The following XDH variants were observed in gnomAD, a reference collection of about 807,000 sequenced individuals.
The protein encoded by XDH is xanthine dehydrogenase/oxidase.
XDH carries 138 observed loss-of-function variants against 156.1 expected under a neutral mutation model. That is an observed-to-expected ratio of 0.88 (90% CI 0.77 to 1.02). XDH has a LOEUF of 1.02. XDH is among the 50% of genes least tolerant of loss of function. XDH has a pLI of 0.00. For missense variants in XDH, 1,849 were observed against 1,684.9 expected (o/e 1.10, Z -1.71); for synonymous variants, 669 against 625.7 (o/e 1.07, Z -1.03).
At chr2:31,377,580 C>T (rs961996745) in intron 13 of XDH, among the ~76,000 whole-genome samples, 1 of 152,126 alleles carries the variant, frequency 6.6e-6, no homozygotes, top group Admixed American at 6.5e-5. Context: ...ACCCCTCATC[C>T]CCCTTACCTT....
At chr2:31,359,761 G>C (rs572954086) in intron 24 of XDH, among the ~76,000 whole-genome samples, 15 of 152,268 alleles carry the variant, frequency 9.9e-5, no homozygotes, top group African/African-American at 3.6e-4. Flanking sequence ...TGGGAATGTG[G>C]CTCAAATTAA....
At chr2:31,381,803 C>T in intron 11 of XDH, 77 bp from the exon 12 acceptor site, 2 of 1,363,116 alleles carry the variant, frequency 1.5e-6, no homozygotes, top group Non-Finnish European at 2.1e-6. Flanking sequence ...CTGAACATAC[C>T]AGCCAGGTGA....
At chr2:31,337,937 A>G (rs1391034380) in intron 34 of XDH, 120 bp from the exon 35 acceptor site, 2 of 1,078,936 alleles carry the variant, frequency 1.9e-6, no homozygotes, top group Non-Finnish European at 2.7e-6. Context: ...GGCACCAGGA[A>G]AGCACTGATG....
At chr2:31,411,851 T>A (rs911077518) in intron 1 of XDH, among the ~76,000 whole-genome samples, 1 of 152,264 alleles carries the variant, frequency 6.6e-6, no homozygotes, top group Middle Eastern at 3.2e-3. Context: ...GGCAAATGCC[T>A]GATCTTGGAG....
chr2:31,366,719 G>A (rs1351644079), intron 21 of XDH, 151 bp downstream of exon 21: 38 of 1,249,762 alleles, frequency 3.0e-5, no homozygotes, highest in Non-Finnish European at 3.8e-5. Flanking sequence ...CAGCTTGTTG[G>A]TGAAAGAGTC....
At chr2:31,374,584 C>T (rs556478383) in intron 15 of XDH, among the ~76,000 whole-genome samples, 13 of 152,168 alleles carry the variant, frequency 8.5e-5, no homozygotes, top group Non-Finnish European at 1.8e-4. Flanking sequence ...GTGGTTTTCT[C>T]TGGGATTTGA....
intron 20 of XDH, 49 bp from the exon 21 acceptor site, chr2:31,367,043 G>C: frequency 6.2e-7 from 1 of 1,613,702 alleles, no homozygotes; most frequent in East Asian, 2.2e-5. Flanking sequence ...CTGCAGAAGG[G>C]GCCAGCTTGC....
chr2:31,372,213 G>T lies in XDH; in HGVS notation c.1856+15C>A, dbSNP rs768745333. 6.2e-7 allele frequency: 1 copy of T among 1,614,160 alleles called. No individual in the cohort carries two copies. The highest frequency in any genetic ancestry group is 8.5e-7 in the Non-Finnish European group (1 of 1,180,000). On this transcript the variant is annotated intron_variant, in intron 17 of 35. Transcript: ENST00000379416. ...TCACAGCATTCCACCAGCTCCTCCT[G>T]GCGGTGTCACTCACTTGATCTTGGC...
At chr2:31,367,019 C>T (rs770735690) in intron 20 of XDH, 25 bp from the exon 21 acceptor site, 23 of 1,613,948 alleles carry the variant, frequency 1.4e-5, no homozygotes, top group Non-Finnish European at 1.9e-5. Context: ...AGATCCCTCA[C>T]AGTGAGCCCA....
At chr2:31,352,033 C>T (rs1235839388) in intron 24 of XDH, among the ~76,000 whole-genome samples, 1 of 152,116 alleles carries the variant, frequency 6.6e-6, no homozygotes, top group Non-Finnish European at 1.5e-5. Flanking sequence ...AAAGTGTATG[C>T]CCATCAGTTT....
Position 31,405,857 on chromosome 2 carries a change from A to C in XDH, c.100+50T>G, listed in dbSNP as rs755044883. ...GAAACAATGTAAGGCCTACAGAATC[A>C]GTCACCATTGCCCCCCTTCTCCGTC... On this transcript the variant is annotated intron_variant, in intron 2 of 35. Coordinates refer to ENST00000379416, the MANE Select transcript of XDH (RefSeq NM_000379.4). The C allele has an allele frequency of 2.8e-5, 45 of 1,603,970 alleles. 2 individuals are homozygous for C. The South Asian group carries it at 4.1e-4, about 15-fold the overall frequency.
rs1375350767 is a variant in XDH, at chr2:31,388,285, C to T, written c.506G>A (p.Cys169Tyr). The T allele has an allele frequency of 1.2e-6, 2 of 1,614,182 alleles. No homozygotes were observed. Among genetic ancestry groups the T allele is most frequent in the Non-Finnish European group, 8.5e-7 (1 of 1,180,010 alleles). Reference sequence around the variant, plus strand: ...TGGATTATTCCCATCTCCTCCACAGCATCCACCATCCTAGAGAGATGATGA... The same window carrying T: ...TGGATTATTCCCATCTCCTCCACAGTATCCACCATCCTAGAGAGATGATGA... ...GFRTFARDGGCCGGDGNNPNC... is the reference protein window; with the variant it reads ...GFRTFARDGGYCGGDGNNPNC... The change falls in exon 7 of 36, where the codon TGC becomes TAC. Residue 169 changes from cysteine (C) to tyrosine (Y), a missense_variant. Coordinates refer to ENST00000379416, the MANE Select transcript of XDH (RefSeq NM_000379.4).
intron 1 of XDH, among the ~76,000 whole-genome samples, chr2:31,411,761 T>G (rs1687349127): frequency 6.6e-6 from 1 of 152,254 alleles, no homozygotes; most frequent in Non-Finnish European, 1.5e-5. Flanking sequence ...TGCTGCTAGT[T>G]TTCTGTGAAA....
At chr2:31,390,555 A>G (rs1270846607) in intron 6 of XDH, among the ~76,000 whole-genome samples, 1 of 152,224 alleles carries the variant, frequency 6.6e-6, no homozygotes, top group Non-Finnish European at 1.5e-5. Flanking sequence ...GGTGCATGAT[A>G]AGACATGTTC....
rs1445742693 is a variant in XDH, at chr2:31,366,051, C to T, written c.2381G>A (p.Arg794Lys). 6.2e-7 allele frequency: 1 copy of T among 1,614,098 alleles called. No individual in the cohort carries two copies. Among genetic ancestry groups the T allele is most frequent in the Non-Finnish European group, 8.5e-7 (1 of 1,180,038 alleles). ...CTTGCCTCCAAAGCCTCCTCCCATTCTCTTCACTCGAACCACAATCCGGTT... is the reference window on the plus strand; with the variant it reads ...CTTGCCTCCAAAGCCTCCTCCCATTTTCTTCACTCGAACCACAATCCGGTT... ...PANRIVVRVK[R>K]MGGGFGGKET... The change falls in exon 22 of 36, where the codon AGA (arginine) becomes AAA (lysine). Residue 794 changes from arginine to lysine, a missense_variant. By Grantham distance (26) the Arg-to-Lys change is conservative. Coordinates refer to ENST00000379416, the MANE Select transcript of XDH (RefSeq NM_000379.4).
At chr2:31,350,009 G>C (rs760889923) in intron 25 of XDH, 23 bp downstream of exon 25, 3 of 1,613,302 alleles carry the variant, frequency 1.9e-6, no homozygotes, top group East Asian at 2.2e-5. Flanking sequence ...ACTCTGACTT[G>C]TGCTACCAAA....
At chr2:31,338,152 T>C (rs1231492738) in intron 34 of XDH, among the ~76,000 whole-genome samples, 1 of 152,194 alleles carries the variant, frequency 6.6e-6, no homozygotes, top group African/African-American at 2.4e-5. Flanking sequence ...TGACGTGAGT[T>C]TTAACCTTTT....
chr2:31,370,001 G>A (rs1050290012), intron 18 of XDH, among the ~76,000 whole-genome samples: 1 of 152,186 alleles, frequency 6.6e-6, no homozygotes, highest in African/African-American at 2.4e-5. Context: ...TTCACGTAGT[G>A]GTGGTATTGT....
chr2:31,357,775 TTGTTTATCCTGATACACTGTATGCC>T (rs1439972935), intron 24 of XDH, among the ~76,000 whole-genome samples: 2 of 152,106 alleles, frequency 1.3e-5, no homozygotes, highest in African/African-American at 4.8e-5. Context: ...TTACCCTGAT[TTGTTTATCCTGATACACTGTATGCC>T]TGTATCAAAA....
Sources: gnomAD v4.1 joint callset for allele counts (sites outside exome capture counted in the v4.1 genomes callset) on GRCh38, gnomAD v4.1.1 for gene constraint, MANE v1.5 for transcripts, NCBI Gene and HGNC (gene_info 2026-07-23, HGNC 2026-07-21) for gene names.